DMD: variants seen among roughly 807,000 people sequenced by gnomAD.
DMD encodes the protein mutant dystrophin.
DMD carries 63 observed loss-of-function variants against 330.1 expected under a neutral mutation model. The observed-to-expected ratio is 0.19, with a 90% CI of 0.16 to 0.24. The LOEUF (loss-of-function observed/expected upper bound fraction) is 0.24. Among genes scored for constraint, DMD ranks in the 10% least tolerant of loss-of-function variants. The pLI is 1.00. For missense variants in DMD, 3,344 were observed against 2,684.1 expected, an observed-to-expected ratio of 1.25 and a Z score of -5.43; for synonymous variants, 1,223 against 959.8, an observed-to-expected ratio of 1.27 and a Z score of -5.07.
intron 17 of DMD, among the ~76,000 whole-genome samples, chrX:32,544,450 A>G (rs1231556108): frequency 1.8e-5 from 2 of 111,708 alleles, no homozygotes; most frequent in Non-Finnish European, 3.8e-5. Flanking sequence ...TTAGAATTAC[A>G]ATAACTGGAA....
intron 59 of DMD, among the ~76,000 whole-genome samples, chrX:31,447,515 T>C (rs752166458): frequency 2.2e-4 from 24 of 110,951 alleles, no homozygotes; most frequent in Non-Finnish European, 2.1e-4. Flanking sequence ...TCTTTGCCAG[T>C]AACTGTTGTG....
chrX:32,429,345 G>A (rs752438591), intron 29 of DMD, among the ~76,000 whole-genome samples: 3 of 93,253 alleles, frequency 3.2e-5, no homozygotes, highest in African/African-American at 1.2e-4. Flanking sequence ...GAGTAGTTGG[G>A]ATTATAGGCA....
At chrX:31,600,675 A>C (rs922415111) in intron 55 of DMD, among the ~76,000 whole-genome samples, 1 of 108,779 alleles carries the variant, frequency 9.2e-6, no homozygotes, top group Non-Finnish European at 1.9e-5. Context: ...ACCACTGCAG[A>C]GAAGGGAGAG....
At chrX:32,762,545 G>A (rs532969222) in intron 7 of DMD, among the ~76,000 whole-genome samples, 6 of 111,648 alleles carry the variant, frequency 5.4e-5, no homozygotes, top group African/African-American at 2.0e-4. Flanking sequence ...AGGAATGGCT[G>A]GGAGGGCTCA....
At chrX:31,897,056 A>G (rs1376143462) in intron 47 of DMD, among the ~76,000 whole-genome samples, 4 of 110,390 alleles carry the variant, frequency 3.6e-5, no homozygotes, top group Non-Finnish European at 3.8e-5. Flanking sequence ...ATATCTCCCA[A>G]TGCTATCCCT....
intron 44 of DMD, among the ~76,000 whole-genome samples, chrX:32,172,409 G>A (rs2096890879): frequency 1.8e-5 from 2 of 111,961 alleles, no homozygotes; most frequent in African/African-American, 6.5e-5. Flanking sequence ...TTTATGTAGA[G>A]GAATGTAATA....
Position 31,190,171 on chromosome X carries a change from C to G in DMD, c.9808-7267G>C, listed in dbSNP as rs753519896. Among the ~76,000 whole-genome samples the G allele has an allele frequency of 4.5e-5, 5 of 111,880 alleles. No homozygotes were observed. In the East Asian group the frequency reaches 1.4e-3, roughly 31 times the overall value. On this transcript the variant is annotated intron_variant, in intron 67 of 78. Transcript: ENST00000357033. ...ACCAAAAAACATCAGAGAAAAACAT[C>G]GCCAAATATGTTAAATTTATTTTGG...
intron 49 of DMD, among the ~76,000 whole-genome samples, chrX:31,830,194 A>G (rs1267427965): frequency 8.9e-6 from 1 of 112,861 alleles, no homozygotes; most frequent in Non-Finnish European, 1.9e-5. Context: ...TAGCTTCACA[A>G]TCACTCGTGG....
At chrX:32,186,909 C>T (rs1161045103) in intron 44 of DMD, among the ~76,000 whole-genome samples, 3 of 110,840 alleles carry the variant, frequency 2.7e-5, no homozygotes, top group South Asian at 7.5e-4. Flanking sequence ...TGTAATTTAA[C>T]GGAACATATC....
intron 1 of DMD, among the ~76,000 whole-genome samples, chrX:33,179,456 G>A (rs1448482494): frequency 2.7e-5 from 3 of 110,776 alleles, no homozygotes; most frequent in Non-Finnish European, 5.7e-5. Context: ...CACTTTGGGA[G>A]GCCGAGGCGG....
At chrX:33,067,801 C>T (rs1412758890) in intron 1 of DMD, among the ~76,000 whole-genome samples, 1 of 111,683 alleles carries the variant, frequency 9.0e-6, no homozygotes, top group African/African-American at 3.3e-5. Context: ...GCCGAGATCA[C>T]ACCACTGCAC....
intron 44 of DMD, among the ~76,000 whole-genome samples, chrX:32,121,629 A>G (rs1223129897): frequency 1.4e-3 from 81 of 56,338 alleles, no homozygotes; most frequent in Non-Finnish European, 2.3e-3. Flanking sequence ...GCATATATAT[A>G]TATATATATA....
intron 44 of DMD, among the ~76,000 whole-genome samples, chrX:32,190,236 G>A (rs536330429): frequency 4.8e-4 from 53 of 110,558 alleles, no homozygotes; most frequent in Middle Eastern, 9.4e-3. Flanking sequence ...AAACATTGCC[G>A]TAGATCAATT....
intron 54 of DMD, among the ~76,000 whole-genome samples, chrX:31,651,562 T>C (rs1259697465): frequency 9.0e-6 from 1 of 111,530 alleles, no homozygotes; most frequent in Non-Finnish European, 1.9e-5. Flanking sequence ...CCTAGATGTA[T>C]AATAGGCATT....
intron 41 of DMD, among the ~76,000 whole-genome samples, chrX:32,311,407 A>G (rs2097561980): frequency 9.0e-6 from 1 of 111,459 alleles, no homozygotes; most frequent in African/African-American, 3.3e-5. Flanking sequence ...AAAATTTACA[A>G]GCTGGTCACT....
intron 48 of DMD, among the ~76,000 whole-genome samples, chrX:31,852,853 G>T (rs1473378699): frequency 8.9e-6 from 1 of 112,140 alleles, no homozygotes; most frequent in East Asian, 2.8e-4. Flanking sequence ...CTCATAGAAA[G>T]AGTTAAACAA....
At chrX:31,915,510 A>G (rs1236328032) in intron 47 of DMD, among the ~76,000 whole-genome samples, 2 of 111,875 alleles carry the variant, frequency 1.8e-5, no homozygotes, top group Non-Finnish European at 3.8e-5. Context: ...TTGTAATTAT[A>G]TAATCCATTT....
intron 18 of DMD, among the ~76,000 whole-genome samples, chrX:32,516,058 A>C (rs769479011): frequency 2.7e-5 from 3 of 111,422 alleles, no homozygotes; most frequent in South Asian, 3.8e-4. Context: ...TCAAGTGAAA[A>C]AAAAAAGAGT....
intron 51 of DMD, among the ~76,000 whole-genome samples, chrX:31,731,586 C>T (rs1406780699): frequency 9.0e-6 from 1 of 111,626 alleles, no homozygotes. Flanking sequence ...TTTACTCATC[C>T]ATTCATTTTA....
Sources: allele counts gnomAD v4.1 joint callset (sites outside exome capture counted in the v4.1 genomes callset), GRCh38; gene constraint gnomAD v4.1.1; transcripts MANE v1.5; gene names NCBI Gene and HGNC (gene_info 2026-07-23, HGNC 2026-07-21).